Variants in CARD10 observed in about 807,000 individuals in gnomAD.
The protein encoded by CARD10 is caspase recruitment domain family member 10.
In CARD10, 49 loss-of-function variants were observed where a neutral mutation model predicts 114.6. That is an observed-to-expected ratio of 0.43 (90% confidence interval 0.34 to 0.54). The LOEUF (loss-of-function observed/expected upper bound fraction) is 0.54, where lower values mean the gene tolerates loss of function less well. Ranked by LOEUF, CARD10 falls within the 20% of genes least tolerant of loss-of-function variation. The probability of loss-of-function intolerance (pLI) is 0.03; values close to 1 mark genes in which losing one functional copy is unlikely to be tolerated. For synonymous variants in CARD10, 602 were observed against 593.2 expected (o/e 1.01, Z -0.21); for missense variants, 1,206 against 1,397.2 (o/e 0.86, Z 2.18).
Position 37,491,169 on chromosome 22 carries a change from C to A in CARD10, c.3089G>T (p.Ser1030Ile), listed in dbSNP as rs1569161077. 8 of 1,560,730 alleles carry A rather than the reference C, an allele frequency of 5.1e-6. No homozygotes were observed. Among genetic ancestry groups the A allele is most frequent in the Non-Finnish European group, 6.9e-6 (8 of 1,153,902 alleles). The change falls in exon 20 of 20, where the codon AGT (serine) becomes ATT (isoleucine). Residue 1030 changes from serine (S) to isoleucine (I), a missense_variant. Coordinates refer to ENST00000251973, the MANE Select transcript of CARD10 (RefSeq NM_014550.4). ...GGTATCAGATGAGCCTCAGGCCTCA[C>A]TGCTGCTGGGGCAGCCTCTGCTGCT... ...CGSSRGCPSS[S>I]EA
At position 37,517,955 on chromosome 22, in the gene CARD10, C is replaced by T. The variant is rs1320797908; in HGVS notation, c.373+16G>A. The stretch of plus-strand genomic sequence containing the variant: ...CTGGAGTCCGAGGTGCCAGCATCCA[C>T]CGCAGATCCACTCACCGAGGATCAT... On this transcript the variant is annotated intron_variant, in intron 2 of 19. Coordinates refer to ENST00000251973, the MANE Select transcript of CARD10 (RefSeq NM_014550.4). The T allele has an allele frequency of 1.2e-6, 2 of 1,611,318 alleles. No homozygotes were observed. The highest frequency in any genetic ancestry group is 1.7e-5 in the Admixed American group (1 of 59,954).
chr22:37,504,596 C>T, intron 8 of CARD10, 39 bp downstream of exon 8: 1 of 1,456,936 alleles, frequency 6.9e-7, no homozygotes, highest in Non-Finnish European at 9.1e-7. Context: ...AATGCTATAG[C>T]AGTGTCCCCC....
chr22:37,506,829 A>T (rs767981562), intron 6 of CARD10, among the ~76,000 whole-genome samples: 1 of 152,236 alleles, frequency 6.6e-6, no homozygotes, highest in Non-Finnish European at 1.5e-5. Flanking sequence ...CCCATGGTCC[A>T]GACCTGTCAC....
At chr22:37,512,594 G>T (rs1923701539) in intron 3 of CARD10, among the ~76,000 whole-genome samples, 1 of 151,538 alleles carries the variant, frequency 6.6e-6, no homozygotes. Flanking sequence ...GACTCAGAAA[G>T]AAATTCATGA....
chr22:37,494,414 C>A, intron 15 of CARD10: 1 of 575,792 alleles, frequency 1.7e-6, no homozygotes, highest in Admixed American at 3.2e-5. Flanking sequence ...CCTGTGGCCC[C>A]CGGGAAGCCA....
In CARD10 at chr22:37,492,683, G is replaced by A. The variant is rs1264941590; in HGVS notation, c.2596C>T (p.Leu866=). The change falls in exon 17 of 20, where the codon CTG becomes TTG. Residue 866 remains leucine (L), a synonymous_variant. Coordinates refer to ENST00000251973, the MANE Select transcript of CARD10 (RefSeq NM_014550.4). The surrounding 1 kb of genome is among the most constrained non-coding windows in gnomAD (Gnocchi z 5.7). ...APRLIRNLLD[L]PSSRLDFQVC... is the part of the protein sequence containing the mutation. ...TGGAAGTCCAGCCGGGAGCTGGGCA[G>A]GTCTAGCAGGTTACGGATGAGCCGG... The A allele has an allele frequency of 1.9e-6, 3 of 1,613,052 alleles. No homozygotes were observed. In the African/African-American group the frequency reaches 4.0e-5, roughly 22 times the overall value.
chr22:37,509,694 C>CCA (rs1923553575), intron 4 of CARD10, among the ~76,000 whole-genome samples: 10 of 132,670 alleles, frequency 7.5e-5, no homozygotes, highest in Non-Finnish European at 1.3e-4. Flanking sequence ...GCCCTCCTGA[C>CCA]CCCCCCTCAA....
intron 2 of CARD10, among the ~76,000 whole-genome samples, chr22:37,517,665 C>T (rs1923886410): frequency 6.6e-6 from 1 of 152,122 alleles, no homozygotes; most frequent in South Asian, 2.1e-4. Flanking sequence ...TCAAAGTCAC[C>T]TGGAGCCTCT....
Position 37,495,755 on chromosome 22 carries a change from G to A in CARD10, c.2303+5C>T, listed in dbSNP as rs200545708. 6.6e-5 allele frequency: 107 copies of A among 1,613,738 alleles called. No individual in the cohort carries two copies. Among genetic ancestry groups the A allele is most frequent in the South Asian group, 8.8e-5 (8 of 91,084 alleles). On this transcript the variant is annotated splice_donor_5th_base_variant and intron_variant, in intron 14 of 19. Transcript: ENST00000251973. ...CCCCATCCCCAGCTCCTGGCTCTGC[G>A]TCACCTCTGATAATTGGGCACGGTG...
chr22:37,495,763 T>G lies in CARD10; in HGVS notation c.2300A>C (p.Gln767Pro), dbSNP rs1266145511. 6.2e-7 allele frequency: 1 copy of G among 1,613,866 alleles called. No homozygotes were observed. The highest frequency in any genetic ancestry group is 2.2e-5 in the East Asian group (1 of 44,886). The change falls in exon 14 of 20, where the codon CAG becomes CCG. Residue 767 changes from glutamine to proline, a missense_variant. Physicochemically the swap from Gln to Pro is moderately conservative, Grantham distance 76. Around this residue, in one of 2 missense-constraint regions of CARD10, gnomAD observed 1,068 missense variants for 1,179.1 expected, o/e 0.91. Coordinates refer to ENST00000251973, the MANE Select transcript of CARD10 (RefSeq NM_014550.4). ...CCAGCTCCTGGCTCTGCGTCACCTC[T>G]GATAATTGGGCACGGTGCCCCGGTC... ...DLDRGTVPNY[Q>P]RAQQLLEVQE...
intron 3 of CARD10, among the ~76,000 whole-genome samples, chr22:37,512,812 T>C (rs539036486): frequency 6.6e-6 from 1 of 152,308 alleles, no homozygotes; most frequent in Admixed American, 6.5e-5. Context: ...GAAATACGGA[T>C]GCATTTAATC....
rs1333258306 is a variant in CARD10 at position 37,508,618 on chromosome 22, C to T, written c.974G>A (p.Trp325Ter). ...RILLDILEHD[W>*]REAQDSRQEL... ...CTGCCTGCTGTCCTGCGCCTCCCGC[C>T]AGTCATGCTCTAGGATGTCCAGCAG... The change falls in exon 5 of 20, where the codon TGG becomes TAG. Residue 325 changes from tryptophan (W) to a stop codon, truncating the protein, a stop_gained. Transcript: ENST00000251973. LOFTEE classifies it high-confidence loss of function. The T allele has an allele frequency of 1.3e-6, 2 of 1,591,524 alleles. No individual in the cohort carries two copies. The highest frequency in any genetic ancestry group is 8.5e-7 in the Non-Finnish European group (1 of 1,172,692).
chr22:37,504,286 T>C lies in CARD10; in HGVS notation c.1534A>G (p.Ser512Gly), dbSNP rs760479426. The part of the protein sequence containing the change: ...EPHNSEEATD[S>G]EKEINRLSIL... The stretch of plus-strand genomic sequence containing the variant: ...GAGAGCCGATTGATCTCCTTTTCAC[T>C]GTCTGTGGCTTCCTCCTGCAATGCC... The change falls in exon 9 of 20, where the codon AGT becomes GGT. Residue 512 changes from serine (S) to glycine (G), a missense_variant. By Grantham distance (56) the Ser-to-Gly change is moderately conservative (BLOSUM62 0). Transcript: ENST00000251973. The C allele has an allele frequency of 1.8e-5, 28 of 1,548,890 alleles. No individual in the cohort carries two copies. Among genetic ancestry groups the C allele is most frequent in the Non-Finnish European group, 1.9e-5 (22 of 1,143,568 alleles).
intron 4 of CARD10, among the ~76,000 whole-genome samples, chr22:37,509,593 T>G (rs1041807095): frequency 6.8e-6 from 1 of 146,278 alleles, no homozygotes; most frequent in African/African-American, 2.6e-5. Context: ...CCACTCCATG[T>G]CCACGAGCCC....
Position 37,491,278 on chromosome 22 carries a change from A to T in CARD10, c.2980T>A (p.Trp994Arg). Residue 994 changes from tryptophan to arginine, a missense_variant, in exon 20 of 20, where the codon TGG (tryptophan) becomes AGG (arginine). Transcript: ENST00000251973. ...TTGGCCAGCTCCTCTGCGTGTCCCC[A>T]CTCATGGGCGGGCACCTGCACCCAG... ...CSWVQVPAHE[W>R]GHAEELAKVV... is the part of the protein sequence containing the mutation. The T allele has an allele frequency of 1.9e-6, 3 of 1,569,018 alleles. No individual in the cohort carries two copies. Among genetic ancestry groups the T allele is most frequent in the Non-Finnish European group, 2.6e-6 (3 of 1,163,498 alleles).
intron 1 of CARD10, 63 bp downstream of exon 1, chr22:37,518,903 T>C (rs113655968): frequency 1.4e-5 from 21 of 1,461,810 alleles, no homozygotes; most frequent in Non-Finnish European, 1.5e-5. Flanking sequence ...TACACGGCTG[T>C]GGGCGCTGCG....
chr22:37,495,678 G>A (rs1484286961), intron 14 of CARD10, 82 bp downstream of exon 14: 2 of 1,609,352 alleles, frequency 1.2e-6, no homozygotes, highest in Non-Finnish European at 1.7e-6. Flanking sequence ...GATGGTGAGG[G>A]AATGCAGGTG....
intron 7 of CARD10, among the ~76,000 whole-genome samples, chr22:37,505,653 A>T (rs1229854015): frequency 2.0e-5 from 3 of 150,470 alleles, no homozygotes; most frequent in Admixed American, 6.6e-5. Flanking sequence ...AAAAAAAAAA[A>T]GGAAAAAGCA....
intron 4 of CARD10, 120 bp from the exon 5 acceptor site, chr22:37,508,802 G>A: frequency 7.9e-7 from 1 of 1,270,368 alleles, no homozygotes; most frequent in Non-Finnish European, 1.1e-6. Context: ...CTGCCATGCT[G>A]GCCCGGGGCC....
Sources: allele counts gnomAD v4.1 joint callset (sites outside exome capture counted in the v4.1 genomes callset), GRCh38; gene constraint gnomAD v4.1.1; regional missense constraint gnomAD v4.1.1; non-coding constraint Gnocchi (gnomAD v3.1); transcripts MANE v1.5; gene names NCBI Gene and HGNC (gene_info 2026-07-23, HGNC 2026-07-21).